TMEM135: variants seen among roughly 807,000 people sequenced by gnomAD.
The protein encoded by TMEM135 is peroxisomal membrane protein 52.
A neutral mutation model predicts 60.3 loss-of-function variants in TMEM135; 30 were observed. The ratio of observed to expected loss-of-function variants is 0.50; its 90% CI spans 0.37 to 0.68. TMEM135 has a LOEUF of 0.68. TMEM135 is among the 30% of genes least tolerant of loss of function. The pLI is 0.00. For missense variants in TMEM135, 468 were observed against 548.8 expected, an observed-to-expected ratio of 0.85 and a Z score of 1.47; for synonymous variants, 190 against 186.7, an observed-to-expected ratio of 1.02 and a Z score of -0.14.
chr11:87,167,763 A>C (rs1939101288), intron 5 of TMEM135, among the ~76,000 whole-genome samples: 1 of 152,082 alleles, frequency 6.6e-6, no homozygotes, highest in South Asian at 2.1e-4. Context: ...ATTGGCCTGA[A>C]ATTTCCTTTT....
At chr11:87,284,097 T>G (rs2135423046) in intron 6 of TMEM135, among the ~76,000 whole-genome samples, 1 of 147,638 alleles carries the variant, frequency 6.8e-6, no homozygotes, top group South Asian at 2.1e-4. Context: ...TTTCCTTGGA[T>G]TTACATGAAA....
rs570343394 is a variant in TMEM135, at chr11:87,223,447, C to T, written c.463-13191C>T. Among the ~76,000 whole-genome samples, 331 of 152,036 alleles carry T rather than the reference C, an allele frequency of 2.2e-3. 1 individual carries two copies. The highest frequency in any genetic ancestry group is 3.6e-3 in the Non-Finnish European group (242 of 67,950). On this transcript the variant is annotated intron_variant, in intron 5 of 14. Transcript: ENST00000305494. ...GGTCTCCCAAAGTGTTGGGATTACA[C>T]GCGTGAGCCACCGTGGCCCGGCCTG...
At position 87,189,759 on chromosome 11, in the gene TMEM135, A is replaced by AAAAAAAAAAAAAAG. The variant is rs1939752651; in HGVS notation, c.462+32366_462+32367insGAAAAAAAAAAAAA. On this transcript the variant is annotated intron_variant, in intron 5 of 14. Transcript: ENST00000305494. ...ACATAGTGAGATCCCGTCTCCACAG[A>AAAAAAAAAAAAAAG]AAAAAAAAAAAAAAAATTGACCGGG... Among the ~76,000 whole-genome samples the AAAAAAAAAAAAAAG allele has an allele frequency of 2.4e-5, 3 of 124,452 alleles. No individual in the cohort carries two copies. In the Admixed American group the frequency reaches 2.5e-4, roughly 10 times the overall value. The allele number at this position is 124,452 out of a possible 152,430, so 81.6% of individuals were successfully genotyped here. A position where few individuals can be genotyped will look rare whatever the true frequency, so the allele number is the denominator to read the frequency against.
chr11:87,133,044 T>C (rs1937982410), intron 4 of TMEM135, among the ~76,000 whole-genome samples: 1 of 152,204 alleles, frequency 6.6e-6, no homozygotes, highest in Admixed American at 6.5e-5. Flanking sequence ...AAGTGCTAAC[T>C]GGTACATAGC....
At chr11:87,249,428 C>A (rs564270178) in intron 6 of TMEM135, among the ~76,000 whole-genome samples, 1 of 152,020 alleles carries the variant, frequency 6.6e-6, no homozygotes, top group Non-Finnish European at 1.5e-5. Context: ...AACTTTTTGT[C>A]TTGTTGATCT....
At position 87,201,275 on chromosome 11, in the gene TMEM135, A is replaced by C. The variant is rs116804992; in HGVS notation, c.463-35363A>C. ...ACATACATAAAATCTTATGTATTGT[A>C]ATTTTAAGTACAACTTAATTTTCAT... On this transcript the variant is annotated intron_variant, in intron 5 of 14. Transcript: ENST00000305494. Among the ~76,000 whole-genome samples the C allele has an allele frequency of 4.3e-3, 656 of 152,294 alleles. 1 individual carries two copies. The highest frequency in any genetic ancestry group is 0.015 in the African/African-American group (635 of 41,564).
Position 87,325,605 on chromosome 11 carries a change from G to C in TMEM135, c.*4272G>C. 2.2e-6 allele frequency: 1 copy of C among 453,694 alleles called. No individual in the cohort carries two copies. Among genetic ancestry groups the C allele is most frequent in the Admixed American group, 2.4e-5 (1 of 42,534 alleles). The allele number at this position is 453,694 out of a possible 1,614,324, so 28.1% of individuals were successfully genotyped here. A position where few individuals can be genotyped will look rare whatever the true frequency, so the allele number is the denominator to read the frequency against. ...TACTTTATGTTAACTAGTCTCCTTG[G>C]ACTTCATTGCAACCTTTTAAGCCAG... On this transcript the variant is annotated 3_prime_UTR_variant, in exon 15 of 15. Transcript: ENST00000305494.
At chr11:87,227,108 G>A (rs957512531) in intron 5 of TMEM135, among the ~76,000 whole-genome samples, 6 of 151,898 alleles carry the variant, frequency 4.0e-5, no homozygotes, top group Non-Finnish European at 5.9e-5. Context: ...AAGAGTCTAG[G>A]CCTAAGTTTC....
intron 6 of TMEM135, among the ~76,000 whole-genome samples, chr11:87,253,154 A>G (rs1356032082): frequency 6.6e-6 from 1 of 152,162 alleles, no homozygotes; most frequent in Non-Finnish European, 1.5e-5. Context: ...AGTGTACTCT[A>G]AGAATGAGAA....
At position 87,326,159 on chromosome 11, in the gene TMEM135, A is replaced by G. The variant is rs1189030853; in HGVS notation, c.*4826A>G. ...CCCCAGCCTGCTGCCTCTGCAGAGC[A>G]TAACATTCTAATCTTGTCAGACCGT... On this transcript the variant is annotated 3_prime_UTR_variant, in exon 15 of 15. Transcript: ENST00000305494. 1.1e-5 allele frequency: 5 copies of G among 453,486 alleles called. No individual in the cohort carries two copies. The highest frequency in any genetic ancestry group is 6.2e-5 in the South Asian group (4 of 64,452). The allele number at this position is 453,486 out of a possible 1,614,324, so 28.1% of individuals were successfully genotyped here. A position where few individuals can be genotyped will look rare whatever the true frequency, so the allele number is the denominator to read the frequency against.
intron 4 of TMEM135, among the ~76,000 whole-genome samples, chr11:87,130,313 A>C (rs796889027): frequency 2.6e-5 from 4 of 152,140 alleles, no homozygotes; most frequent in Admixed American, 2.0e-4. Flanking sequence ...AATAAATTCT[A>C]TGATAATGAT....
intron 5 of TMEM135, among the ~76,000 whole-genome samples, chr11:87,193,355 T>C (rs1939862517): frequency 6.6e-6 from 1 of 152,184 alleles, no homozygotes; most frequent in South Asian, 2.1e-4. Context: ...AGAGTTTTCA[T>C]ATAGATTAAG....
In TMEM135 at chr11:87,328,702, T is replaced by G. The variant is rs1245496937; in HGVS notation, c.*7369T>G. 2.2e-6 allele frequency: 1 copy of G among 454,000 alleles called. No individual in the cohort carries two copies. Among genetic ancestry groups the G allele is most frequent in the African/African-American group, 2.0e-5 (1 of 50,010 alleles). 28.1% of individuals were successfully genotyped at this position (454,000 alleles called of 1,614,324 possible). ...TCTTTTATTTTTTATGGCTGAGTAGTATTCCATGGTGCATATATACCACAT... is the reference window on the plus strand; with the variant it reads ...TCTTTTATTTTTTATGGCTGAGTAGGATTCCATGGTGCATATATACCACAT... On this transcript the variant is annotated 3_prime_UTR_variant, in exon 15 of 15. Coordinates refer to ENST00000305494, the MANE Select transcript of TMEM135 (RefSeq NM_022918.4).
chr11:87,138,475 G>C (rs1938169777), intron 4 of TMEM135, among the ~76,000 whole-genome samples: 1 of 151,240 alleles, frequency 6.6e-6, no homozygotes, highest in African/African-American at 2.4e-5. Flanking sequence ...GGAAATATTT[G>C]TTCATACTTT....
rs1292000051 is a variant in TMEM135 at position 87,321,750 on chromosome 11, G to C, written c.*417G>C. 6.6e-6 allele frequency: 3 copies of C among 455,352 alleles called. No individual in the cohort carries two copies. The highest frequency in any genetic ancestry group is 4.4e-6 in the Non-Finnish European group (1 of 227,516). The allele number at this position is 455,352 out of a possible 1,614,324, so 28.2% of individuals were successfully genotyped here. Reference sequence around the variant, plus strand: ...TTTTAGGATTTACAAAGGATCACGGGTACATGGATTTGGTCTATATATTTT... The same window carrying C: ...TTTTAGGATTTACAAAGGATCACGGCTACATGGATTTGGTCTATATATTTT... On this transcript the variant is annotated 3_prime_UTR_variant, in exon 15 of 15. Transcript: ENST00000305494.
intron 1 of TMEM135, among the ~76,000 whole-genome samples, chr11:87,060,808 A>C (rs144136373): frequency 0.018 from 2,790 of 151,920 alleles, 101 homozygotes; most frequent in African/African-American, 0.064. Flanking sequence ...ACGCCTGGCT[A>C]ATTTTTTGTA....
chr11:87,058,495 A>T (rs1949915027), intron 1 of TMEM135, among the ~76,000 whole-genome samples: 1 of 151,832 alleles, frequency 6.6e-6, no homozygotes, highest in African/African-American at 2.4e-5. Flanking sequence ...ACACTCCACT[A>T]ATTTTTTGTA....
intron 6 of TMEM135, among the ~76,000 whole-genome samples, chr11:87,239,993 A>G (rs1482581035): frequency 6.6e-6 from 1 of 152,114 alleles, no homozygotes; most frequent in Non-Finnish European, 1.5e-5. Context: ...CATATTATGC[A>G]CCAGAAGTAA....
intron 6 of TMEM135, among the ~76,000 whole-genome samples, chr11:87,258,499 A>C (rs1234179302): frequency 6.6e-6 from 1 of 152,180 alleles, no homozygotes; most frequent in African/African-American, 2.4e-5. Context: ...AGCAGTCATT[A>C]ATGGTCAGGG....
Sources: allele counts gnomAD v4.1 joint callset (sites outside exome capture counted in the v4.1 genomes callset), GRCh38; gene constraint gnomAD v4.1.1; transcripts MANE v1.5; gene names NCBI Gene and HGNC (gene_info 2026-07-23, HGNC 2026-07-21).